DSE: variants seen among roughly 807,000 people sequenced by gnomAD.
DSE encodes the protein dermatan sulfate epimerase, also known as dermatan-sulfate epimerase.
A neutral mutation model predicts 84.4 loss-of-function variants in DSE; 36 were observed. The ratio of observed to expected loss-of-function variants is 0.43; its 90% CI spans 0.33 to 0.56. The LOEUF is 0.56. Ranked by LOEUF, DSE falls within the 20% of genes least tolerant of loss-of-function variation. DSE has a pLI of 0.06. For synonymous variants in DSE, 410 were observed against 430.1 expected (o/e 0.95, Z 0.58); for missense variants, 862 against 1,169.6 (o/e 0.74, Z 3.84).
intron 3 of DSE, among the ~76,000 whole-genome samples, chr6:116,428,490 T>C (rs1396667287): frequency 6.6e-6 from 1 of 152,238 alleles, no homozygotes; most frequent in Non-Finnish European, 1.5e-5. Flanking sequence ...AAATACTGGT[T>C]TGGATTGAAT....
chr6:116,418,019 T>C (rs143543077), intron 2 of DSE, among the ~76,000 whole-genome samples: 119 of 152,186 alleles, frequency 7.8e-4, no homozygotes, highest in African/African-American at 2.5e-3. Context: ...AGGGGCTTAG[T>C]AGAGCCAGGA....
chr6:116,270,406 T>C lies in DSE; in HGVS notation c.-54+11439T>C, dbSNP rs568421781. ...AGTTGGAGTTTGGTGAAGAGGATGA[T>C]AATTAAGTACTACATGCCTCTTATA... On this transcript the variant is annotated intron_variant, in intron 2 of 3. Transcript: ENST00000430252. Among the ~76,000 whole-genome samples the C allele has an allele frequency of 4.7e-4, 71 of 152,316 alleles. 1 individual carries two copies. The South Asian group carries it at 6.8e-3, about 15-fold the overall frequency.
intron 2 of DSE, among the ~76,000 whole-genome samples, chr6:116,263,538 AGTCT>A: frequency 6.6e-6 from 1 of 152,092 alleles, no homozygotes; most frequent in East Asian, 1.9e-4. Flanking sequence ...CATACCAATA[AGTCT>A]TGATTCTTTA....
chr6:116,354,253 CAGTA>C (rs1464847574), intron 2 of DSE, among the ~76,000 whole-genome samples: 15 of 152,102 alleles, frequency 9.9e-5, no homozygotes, highest in African/African-American at 3.1e-4. Context: ...GATGGGATAA[CAGTA>C]AGTAATATTT....
intron 2 of DSE, among the ~76,000 whole-genome samples, chr6:116,283,886 A>C (rs894098813): frequency 9.9e-5 from 15 of 152,222 alleles, no homozygotes; most frequent in Admixed American, 3.3e-4. Context: ...ATTTGAATAA[A>C]ATAAACCTCA....
chr6:116,346,114 G>C (rs9885940), intron 2 of DSE, among the ~76,000 whole-genome samples: 11 of 152,148 alleles, frequency 7.2e-5, no homozygotes, highest in African/African-American at 2.2e-4. Flanking sequence ...CTCTGAAATT[G>C]AGGCAATAAT....
intron 2 of DSE, chr6:116,423,233 A>C (rs1783205740): frequency 6.6e-6 from 1 of 152,252 alleles, no homozygotes; most frequent in Non-Finnish European, 1.5e-5. Flanking sequence ...AAAAAGAAAA[A>C]GCTAATATTT....
intron 1 of DSE, among the ~76,000 whole-genome samples, chr6:116,371,580 G>A (rs1169268772): frequency 2.6e-5 from 4 of 152,222 alleles, no homozygotes; most frequent in Non-Finnish European, 5.9e-5. Context: ...CAGGGGAGGT[G>A]GCGGCGGCTT....
chr6:116,416,353 G>C (rs1198886034), intron 2 of DSE, among the ~76,000 whole-genome samples: 8 of 91,660 alleles, frequency 8.7e-5, no homozygotes, highest in Admixed American at 7.6e-4. Context: ...TTGCCACTGT[G>C]TGTGTGTGTG....
chr6:116,433,905 C>G (rs947527590), intron 5 of DSE, among the ~76,000 whole-genome samples: 1 of 152,068 alleles, frequency 6.6e-6, no homozygotes, highest in African/African-American at 2.4e-5. Flanking sequence ...TACACTTGCA[C>G]TATTTCATAA....
At chr6:116,417,719 A>G (rs1782805578) in intron 2 of DSE, among the ~76,000 whole-genome samples, 1 of 152,198 alleles carries the variant, frequency 6.6e-6, no homozygotes, top group African/African-American at 2.4e-5. Flanking sequence ...AAGTCTTAAT[A>G]TACAATGAGT....
At chr6:116,344,145 A>G (rs561543274) in intron 2 of DSE, among the ~76,000 whole-genome samples, 1 of 152,338 alleles carries the variant, frequency 6.6e-6, no homozygotes, top group South Asian at 2.1e-4. Flanking sequence ...GGAAAGACCA[A>G]ATCTACATCT....
At chr6:116,267,423 AC>A (rs1351679756) in intron 2 of DSE, among the ~76,000 whole-genome samples, 1 of 151,540 alleles carries the variant, frequency 6.6e-6, no homozygotes, top group Non-Finnish European at 1.5e-5. Flanking sequence ...TTCATTTTTA[AC>A]AAAAAAGTTT....
At chr6:116,369,905 A>C (rs1374619750), upstream of DSE, 1 of 1,289,278 alleles carries the variant, frequency 7.8e-7, no homozygotes, top group South Asian at 1.2e-5. Context: ...TCCCAGTAAA[A>C]TATCTCTCAT....
At chr6:116,359,468 C>G (rs1319073845) in intron 2 of DSE, among the ~76,000 whole-genome samples, 1 of 152,086 alleles carries the variant, frequency 6.6e-6, no homozygotes, top group African/African-American at 2.4e-5. Context: ...TTTAAATATA[C>G]TTTTCTTCCT....
chr6:116,330,696 A>G (rs1776884382), intron 2 of DSE, among the ~76,000 whole-genome samples: 1 of 152,206 alleles, frequency 6.6e-6, no homozygotes, highest in Admixed American at 6.5e-5. Flanking sequence ...TTATGACTCA[A>G]AAAAGCTGAA....
intron 2 of DSE, among the ~76,000 whole-genome samples, chr6:116,346,999 A>G (rs1253236019): frequency 2.0e-5 from 3 of 152,240 alleles, no homozygotes; most frequent in African/African-American, 7.2e-5. Flanking sequence ...GAGCAAAATC[A>G]TGAGTGAACT....
At chr6:116,407,694 A>G (rs1190921519) in intron 2 of DSE, among the ~76,000 whole-genome samples, 3 of 152,124 alleles carry the variant, frequency 2.0e-5, no homozygotes, top group African/African-American at 7.2e-5. Context: ...CACTCTACGA[A>G]TGCATTTTGC....
chr6:116,368,743 T>C (rs1779315787), upstream of DSE, among the ~76,000 whole-genome samples: 1 of 152,242 alleles, frequency 6.6e-6, no homozygotes, highest in South Asian at 2.1e-4. Flanking sequence ...CATCAGGGTT[T>C]GAGAGAGATG....
Sources: allele counts gnomAD v4.1 joint callset (sites outside exome capture counted in the v4.1 genomes callset), GRCh38; gene constraint gnomAD v4.1.1; transcripts MANE v1.5; gene names NCBI Gene and HGNC (gene_info 2026-07-23, HGNC 2026-07-21).